Variants in KLHL14 observed in about 807,000 individuals in gnomAD.
KLHL14 encodes kelch-like protein 14.
Under a neutral mutation model 64.3 loss-of-function variants are expected in KLHL14, and 22 were observed. That is an observed-to-expected ratio of 0.34 (90% CI 0.24 to 0.49). The LOEUF is 0.49. KLHL14 is among the 20% of genes least tolerant of loss of function. KLHL14 has a pLI of 0.99. For synonymous variants in KLHL14, 322 were observed against 333.4 expected, an observed-to-expected ratio of 0.97 and a Z score of 0.37; for missense variants, 661 against 789.0, an observed-to-expected ratio of 0.84 and a Z score of 1.94.
intron 3 of KLHL14, among the ~76,000 whole-genome samples, chr18:32,712,633 A>G (rs2050025132): frequency 6.6e-6 from 1 of 152,186 alleles, no homozygotes; most frequent in South Asian, 2.1e-4. Context: ...TTGAATCAAT[A>G]TCCTCTTCTT....
intron 3 of KLHL14, among the ~76,000 whole-genome samples, chr18:32,734,469 T>C (rs73955277): frequency 0.018 from 2,745 of 152,286 alleles, 97 homozygotes; most frequent in African/African-American, 0.062. Context: ...CCTGAGACTT[T>C]TGGAGTTATT....
At chr18:32,766,858 A>C (rs1444603283) in intron 2 of KLHL14, among the ~76,000 whole-genome samples, 1 of 152,080 alleles carries the variant, frequency 6.6e-6, no homozygotes, top group Admixed American at 6.5e-5. Context: ...ATGAAAACTC[A>C]AAATTAATAA....
intron 4 of KLHL14, among the ~76,000 whole-genome samples, chr18:32,690,595 G>A (rs1374781658): frequency 1.5e-4 from 23 of 152,064 alleles, no homozygotes; most frequent in Non-Finnish European, 8.8e-5. Context: ...TGGGGATGGC[G>A]GTGGGCTCCT....
intron 2 of KLHL14, among the ~76,000 whole-genome samples, chr18:32,747,811 A>T (rs754569826): frequency 6.6e-5 from 10 of 152,120 alleles, no homozygotes; most frequent in Non-Finnish European, 1.0e-4. Context: ...ATCTTTTTTT[A>T]AAAAAACAAG....
At chr18:32,768,390 GAC>G (rs10567081) in intron 2 of KLHL14, among the ~76,000 whole-genome samples, 8,345 of 141,552 alleles carry the variant, frequency 0.059, 296 homozygotes, top group Admixed American at 0.13. Flanking sequence ...GAAACATAAT[GAC>G]ACACACACAC....
At chr18:32,762,308 T>C (rs1447240480) in intron 2 of KLHL14, among the ~76,000 whole-genome samples, 1 of 152,108 alleles carries the variant, frequency 6.6e-6, no homozygotes, top group African/African-American at 2.4e-5. Context: ...GATTTAAGTG[T>C]TTCTTGATTT....
chr18:32,705,668 A>G (rs2049986582), intron 3 of KLHL14, among the ~76,000 whole-genome samples: 2 of 151,960 alleles, frequency 1.3e-5, no homozygotes, highest in Non-Finnish European at 2.9e-5. Context: ...GGTTATAATG[A>G]GCCGAGATCA....
At chr18:32,687,868 A>G (rs985506179) in intron 4 of KLHL14, among the ~76,000 whole-genome samples, 1 of 152,156 alleles carries the variant, frequency 6.6e-6, no homozygotes, top group South Asian at 2.1e-4. Context: ...AGCCACTACA[A>G]AAAGAGCCTG....
chr18:32,677,609 T>C (rs2049817950), intron 7 of KLHL14, among the ~76,000 whole-genome samples: 1 of 152,208 alleles, frequency 6.6e-6, no homozygotes. Flanking sequence ...TAAAATGGTT[T>C]ATTAAAACCT....
At chr18:32,742,319 T>C (rs2050203272) in intron 2 of KLHL14, among the ~76,000 whole-genome samples, 1 of 152,150 alleles carries the variant, frequency 6.6e-6, no homozygotes, top group African/African-American at 2.4e-5. Context: ...TTTCTTATAT[T>C]ATCCCTTTAA....
intron 3 of KLHL14, among the ~76,000 whole-genome samples, chr18:32,735,613 C>A (rs550289370): frequency 6.6e-6 from 1 of 152,228 alleles, no homozygotes; most frequent in East Asian, 1.9e-4. Context: ...AGTGCAAATG[C>A]CATTTCTTTA....
At position 32,677,198 on chromosome 18, in the gene KLHL14, A is replaced by G; in HGVS notation, c.1721T>C (p.Leu574Pro). 6.2e-7 allele frequency: 1 copy of G among 1,613,068 alleles called. No individual in the cohort carries two copies. The highest frequency in any genetic ancestry group is 8.5e-7 in the Non-Finnish European group (1 of 1,179,494). The change falls in exon 8 of 9, where the codon CTT becomes CCT. Residue 574 changes from leucine to proline, a missense_variant. By Grantham distance (98) the Leu-to-Pro change is moderately conservative (BLOSUM62 -3). Around this residue, in one of 2 missense-constraint regions of KLHL14, gnomAD observed 330 missense variants for 450.0 expected, o/e 0.73. Transcript: ENST00000359358. ...CATACTCCAGCTGTAGCCTCCCACA[A>G]GGTAAATGCTGTCATCAAGCACTGC... ...GCAVLDDSIYLVGGYSWSMGA... is the reference protein window; with the variant it reads ...GCAVLDDSIYPVGGYSWSMGA...
rs1016993943 is a variant in KLHL14, at chr18:32,742,035, T to C, written c.962A>G (p.Lys321Arg). The C allele has an allele frequency of 1.2e-6, 2 of 1,612,918 alleles. No individual in the cohort carries two copies. Among genetic ancestry groups the C allele is most frequent in the African/African-American group, 1.3e-5 (1 of 74,964 alleles). Residue 321 changes from lysine to arginine, a missense_variant, in exon 3 of 9, where the codon AAG becomes AGG. Transcript: ENST00000359358. ...CCCTCCAACCAATAACAGCATTTTC[T>C]TGTTAGAGCGAATTCTTCACCCAAA... is the stretch of plus-strand genomic sequence containing the variant. ...QSLASRIRSN[K>R]KMLLLVGGLP...
In KLHL14 at chr18:32,680,656, C is replaced by A. The variant is rs546185727; in HGVS notation, c.1239-57G>T. ...AGAGGAGCTGTGAAATGTTACCTTT[C>A]GAAATAAGATAAGCACCACACAGCT... On this transcript the variant is annotated intron_variant, in intron 5 of 8. Transcript: ENST00000359358. The surrounding 1 kb of genome is among the most constrained non-coding windows in gnomAD (Gnocchi z 4.8). 62 of 1,505,708 alleles carry A rather than the reference C, an allele frequency of 4.1e-5. 2 individuals carry two copies. In the South Asian group the frequency reaches 6.8e-4, roughly 16 times the overall value. 93.3% of individuals were successfully genotyped at this position (1,505,708 alleles called of 1,614,324 possible). A position where few individuals can be genotyped will look rare whatever the true frequency, so the allele number is the denominator to read the frequency against.
intron 2 of KLHL14, among the ~76,000 whole-genome samples, chr18:32,749,285 G>T (rs2050240038): frequency 6.6e-6 from 1 of 152,168 alleles, no homozygotes; most frequent in Admixed American, 6.5e-5. Context: ...ATCCAGAGTA[G>T]ATAATCATTA....
At position 32,673,614 on chromosome 18, in the gene KLHL14, AGAG is replaced by A. The variant is rs1036195952; in HGVS notation, c.*1040_*1042del. 1.3e-5 allele frequency: 2 copies of A among 152,240 alleles called. No individual in the cohort carries two copies. Among genetic ancestry groups the A allele is most frequent in the African/African-American group, 2.4e-5 (1 of 41,468 alleles). The allele number at this position is 152,240 out of a possible 1,614,324, so 9.4% of individuals were successfully genotyped here. On this transcript the variant is annotated 3_prime_UTR_variant, in exon 9 of 9. Coordinates refer to ENST00000359358, the MANE Select transcript of KLHL14 (RefSeq NM_020805.3). ...GTCTAGAGGCACCCGAAGGTGAGGAAGAGGAGAAGTATTCTGTCAGGTGCTATA... is the reference window on the plus strand; with the variant it reads ...GTCTAGAGGCACCCGAAGGTGAGGAAGAGAAGTATTCTGTCAGGTGCTATA...
At chr18:32,719,325 A>C (rs2050063871) in intron 3 of KLHL14, among the ~76,000 whole-genome samples, 1 of 152,252 alleles carries the variant, frequency 6.6e-6, no homozygotes, top group Non-Finnish European at 1.5e-5. Flanking sequence ...AAAACTGGCC[A>C]TAGGAAAGAA....
At chr18:32,689,904 G>A (rs949846414) in intron 4 of KLHL14, among the ~76,000 whole-genome samples, 1 of 152,184 alleles carries the variant, frequency 6.6e-6, no homozygotes, top group Non-Finnish European at 1.5e-5. Flanking sequence ...TGAAAAGACT[G>A]AGGAATGAAG....
chr18:32,720,201 G>A (rs148004694), intron 3 of KLHL14, among the ~76,000 whole-genome samples: 61 of 152,284 alleles, frequency 4.0e-4, no homozygotes, highest in African/African-American at 1.3e-3. Flanking sequence ...GAGAAGGCAG[G>A]TTTTAGGAGC....
Sources: allele counts gnomAD v4.1 joint callset (sites outside exome capture counted in the v4.1 genomes callset), GRCh38; gene constraint gnomAD v4.1.1; regional missense constraint gnomAD v4.1.1; non-coding constraint Gnocchi (gnomAD v3.1); transcripts MANE v1.5; gene names NCBI Gene and HGNC (gene_info 2026-07-23, HGNC 2026-07-21).